The following KCNIP1 variants were observed in gnomAD, a reference collection of about 807,000 sequenced individuals.
The protein encoded by KCNIP1 is potassium voltage-gated channel interacting protein 1, also known as A-type potassium channel modulatory protein KCNIP1.
In KCNIP1, 18 loss-of-function variants were observed where a neutral mutation model predicts 33.0. The ratio of observed to expected loss-of-function variants is 0.55; its 90% confidence interval spans 0.38 to 0.81. KCNIP1 has a LOEUF of 0.81. Ranked by LOEUF, KCNIP1 falls within the 30% of genes least tolerant of loss-of-function variation. The probability of loss-of-function intolerance (pLI) is 0.00; values close to 1 mark genes in which losing one functional copy is unlikely to be tolerated. For missense variants in KCNIP1, 238 were observed against 271.6 expected (o/e 0.88, Z 0.87); for synonymous variants, 93 against 98.3 (o/e 0.95, Z 0.32).
intron 1 of KCNIP1, among the ~76,000 whole-genome samples, chr5:170,367,978 A>G (rs766397353): frequency 1.3e-5 from 2 of 152,258 alleles, no homozygotes; most frequent in Non-Finnish European, 2.9e-5. Flanking sequence ...TCTAAGTGTC[A>G]ATGGAAAAAA....
intron 1 of KCNIP1, among the ~76,000 whole-genome samples, chr5:170,699,695 C>G (rs962500714): frequency 6.6e-6 from 1 of 152,164 alleles, no homozygotes; most frequent in Non-Finnish European, 1.5e-5. Flanking sequence ...TGCCAGGTCC[C>G]CTGGTATTCC....
intron 1 of KCNIP1, among the ~76,000 whole-genome samples, chr5:170,429,515 G>A (rs543562851): frequency 5.3e-5 from 8 of 152,196 alleles, no homozygotes; most frequent in Admixed American, 5.2e-4. Flanking sequence ...TTTGTCACAT[G>A]CATAGATTTT....
chr5:170,564,509 C>A (rs919951781), intron 1 of KCNIP1, among the ~76,000 whole-genome samples: 1 of 152,190 alleles, frequency 6.6e-6, no homozygotes, highest in Non-Finnish European at 1.5e-5. Context: ...TGCGGGGGCA[C>A]AGGAAAAACA....
At chr5:170,694,361 G>A (rs6888959) in intron 1 of KCNIP1, among the ~76,000 whole-genome samples, 5,055 of 152,198 alleles carry the variant, frequency 0.033, 101 homozygotes, top group Non-Finnish European at 0.04. Context: ...TTATGGGCAA[G>A]TGTTTTTTAA....
chr5:170,550,076 T>G (rs903172307), intron 1 of KCNIP1, among the ~76,000 whole-genome samples: 3 of 152,140 alleles, frequency 2.0e-5, no homozygotes, highest in Admixed American at 6.5e-5. Context: ...AAGTAGCAAG[T>G]GCCTAGAATC....
At chr5:170,356,422 G>T (rs1406923039) in intron 1 of KCNIP1, among the ~76,000 whole-genome samples, 1 of 152,094 alleles carries the variant, frequency 6.6e-6, no homozygotes, top group Non-Finnish European at 1.5e-5. Flanking sequence ...TCCCTGTCCT[G>T]CCTGTTCCTA....
At chr5:170,529,526 G>A (rs1156401184) in intron 1 of KCNIP1, among the ~76,000 whole-genome samples, 1 of 152,176 alleles carries the variant, frequency 6.6e-6, no homozygotes. Flanking sequence ...ATATGTTACT[G>A]CCTTCTTCAA....
chr5:170,538,733 T>A, intron 1 of KCNIP1, among the ~76,000 whole-genome samples: 1 of 151,488 alleles, frequency 6.6e-6, no homozygotes, highest in African/African-American at 2.4e-5. Context: ...TGCTCAATGC[T>A]CCAGCAAAGA....
At chr5:170,649,180 C>T (rs1023262190) in intron 1 of KCNIP1, among the ~76,000 whole-genome samples, 26 of 151,964 alleles carry the variant, frequency 1.7e-4, no homozygotes, top group Non-Finnish European at 1.8e-4. Context: ...TATTGTTGAA[C>T]GCATTTTTTA....
intron 1 of KCNIP1, among the ~76,000 whole-genome samples, chr5:170,569,480 C>T (rs1757321237): frequency 6.6e-6 from 1 of 152,216 alleles, no homozygotes. Flanking sequence ...GAATAATCTT[C>T]CCAACACCTC....
At chr5:170,499,391 C>T (rs11747969), upstream of KCNIP1, among the ~76,000 whole-genome samples, 32,749 of 152,142 alleles carry the variant, frequency 0.22, 4,101 homozygotes, top group East Asian at 0.28. Context: ...GTGCCAGGCA[C>T]CTGCTAAGGG....
rs1491468885 is a variant in KCNIP1, at chr5:170,598,892, T to TGTGTGTGC, written c.61+94266_61+94267insCGTGTGTG. Among the ~76,000 whole-genome samples, 32 of 2,842 alleles carry TGTGTGTGC rather than the reference T, an allele frequency of 0.011. No individual in the cohort carries two copies. In the East Asian group the frequency reaches 0.23, roughly 20 times the overall value. 1.9% of individuals were successfully genotyped at this position (2,842 alleles called of 152,430 possible). On this transcript the variant is annotated intron_variant, in intron 1 of 7. Coordinates refer to ENST00000328939, the MANE Select transcript of KCNIP1 (RefSeq NM_014592.4). ...TGTGCTCGTTCCCATAGCCCCGCTGTGTGTGTGTGCGCGTGTGTGTGTGTG... is the reference window on the plus strand; with the variant it reads ...TGTGCTCGTTCCCATAGCCCCGCTGTGTGTGTGCGTGTGTGTGCGCGTGTGTGTGTGTG...
intron 1 of KCNIP1, among the ~76,000 whole-genome samples, chr5:170,615,471 T>G (rs79749820): frequency 0.014 from 2,120 of 152,348 alleles, 55 homozygotes; most frequent in African/African-American, 0.047. Context: ...TCTGCAATCA[T>G]GGAGCTGGCA....
intron 1 of KCNIP1, among the ~76,000 whole-genome samples, chr5:170,442,839 T>C (rs1756025127): frequency 6.6e-6 from 1 of 152,144 alleles, no homozygotes; most frequent in Non-Finnish European, 1.5e-5. Context: ...TAGAACAAGT[T>C]TTCTGATGTG....
chr5:170,700,349 A>C (rs180848588), intron 1 of KCNIP1, among the ~76,000 whole-genome samples: 1 of 152,150 alleles, frequency 6.6e-6, no homozygotes, highest in Non-Finnish European at 1.5e-5. Flanking sequence ...GTAATCAAAC[A>C]TTATTTTTAA....
At chr5:170,708,377 G>A (rs1303021934) in intron 1 of KCNIP1, among the ~76,000 whole-genome samples, 3 of 152,168 alleles carry the variant, frequency 2.0e-5, no homozygotes, top group African/African-American at 7.2e-5. Flanking sequence ...ATGAACCACT[G>A]CAAATACTAG....
At chr5:170,663,849 C>T (rs1051543595) in intron 1 of KCNIP1, among the ~76,000 whole-genome samples, 3 of 152,082 alleles carry the variant, frequency 2.0e-5, no homozygotes, top group Admixed American at 2.0e-4. Flanking sequence ...CCGCTCCCAA[C>T]TGGCCTGTGC....
chr5:170,555,741 CCA>C (rs562864328), intron 1 of KCNIP1, among the ~76,000 whole-genome samples: 93 of 152,288 alleles, frequency 6.1e-4, no homozygotes, highest in African/African-American at 1.9e-3. Context: ...CCTGTCTGTC[CCA>C]CAGAGTCTTC....
intron 1 of KCNIP1, among the ~76,000 whole-genome samples, chr5:170,402,265 A>G (rs1365844514): frequency 6.6e-6 from 1 of 152,204 alleles, no homozygotes; most frequent in African/African-American, 2.4e-5. Context: ...AAATTTGGAC[A>G]TGGACATATC....
Sources: gnomAD v4.1 joint callset for allele counts (sites outside exome capture counted in the v4.1 genomes callset) on GRCh38, gnomAD v4.1.1 for gene constraint, MANE v1.5 for transcripts, NCBI Gene and HGNC (gene_info 2026-07-23, HGNC 2026-07-21) for gene names.